The following KDM6A variants were observed in gnomAD, a reference collection of about 807,000 sequenced individuals.
KDM6A encodes the protein lysine-specific demethylase 6A.
In KDM6A, 11 loss-of-function variants were observed where a neutral mutation model predicts 117.6. That is an observed-to-expected ratio of 0.09 (90% CI 0.06 to 0.15). KDM6A has a LOEUF of 0.15. Ranked by LOEUF, KDM6A falls within the 10% of genes least tolerant of loss-of-function variation. The pLI, the probability that KDM6A is intolerant of heterozygous loss-of-function variation, is 1.00. For synonymous variants in KDM6A, 384 were observed against 396.1 expected, an observed-to-expected ratio of 0.97 and a Z score of 0.36; for missense variants, 799 against 1,077.3, an observed-to-expected ratio of 0.74 and a Z score of 3.62.
At chrX:44,915,170 A>G (rs1161370319) in intron 2 of KDM6A, among the ~76,000 whole-genome samples, 2 of 112,077 alleles carry the variant, frequency 1.8e-5, no homozygotes, top group African/African-American at 3.2e-5. Context: ...GTGAATATGT[A>G]GAAAAATGGC....
intron 6 of KDM6A, among the ~76,000 whole-genome samples, chrX:45,021,394 A>T (rs909575793): frequency 1.8e-5 from 2 of 111,644 alleles, no homozygotes; most frequent in African/African-American, 6.5e-5. Context: ...CAGAGGAATT[A>T]TGTTTTGAAA....
chrX:45,094,319 G>T (rs963352670), intron 27 of KDM6A, among the ~76,000 whole-genome samples: 1 of 111,610 alleles, frequency 9.0e-6, no homozygotes, highest in African/African-American at 3.3e-5. Context: ...CCAGCCCAAG[G>T]AGTCAGGTCT....
chrX:45,069,711 C>T lies in KDM6A; in HGVS notation c.2212C>T (p.Pro738Ser), dbSNP rs200638114. ...IQNQNGHPTL[P>S]SNSVTQGAAL... is the part of the protein sequence containing the mutation. The stretch of plus-strand genomic sequence containing the variant: ...GAATCAGAACGGACATCCCACCCTG[C>T]CTAGCAATTCAGTAACACAGGGGGC... The change falls in exon 18 of 30, where the codon CCT (proline) becomes TCT (serine). Residue 738 changes from proline (P) to serine (S), a missense_variant. Physicochemically the swap from Pro to Ser is moderately conservative, Grantham distance 74. Coordinates refer to ENST00000611820, the MANE Select transcript of KDM6A (RefSeq NM_001291415.2). 3.1e-5 allele frequency: 37 copies of T among 1,207,763 alleles called. No individual in the cohort carries two copies. The African/African-American group carries it at 6.3e-4, about 21-fold the overall frequency.
chrX:45,036,521 T>A (rs1340254334), intron 7 of KDM6A, among the ~76,000 whole-genome samples: 2 of 112,063 alleles, frequency 1.8e-5, no homozygotes, highest in Non-Finnish European at 3.8e-5. Context: ...AACGGTAGAA[T>A]AATAACAAAT....
intron 2 of KDM6A, among the ~76,000 whole-genome samples, chrX:44,911,151 G>A (rs2035099320): frequency 9.2e-6 from 1 of 108,116 alleles, no homozygotes; most frequent in South Asian, 4.0e-4. Flanking sequence ...TCCCGGACGG[G>A]GCGGCTGGCC....
At chrX:45,028,376 A>G (rs2042465187) in intron 6 of KDM6A, among the ~76,000 whole-genome samples, 1 of 112,412 alleles carries the variant, frequency 8.9e-6, no homozygotes. Flanking sequence ...TACACTGTGT[A>G]TTTCTTCCTT....
At chrX:44,998,363 T>G (rs1441156888) in intron 4 of KDM6A, among the ~76,000 whole-genome samples, 1 of 111,834 alleles carries the variant, frequency 8.9e-6, no homozygotes. Flanking sequence ...ACTGTTTGGC[T>G]TGGTCAACTG....
At chrX:45,030,465 A>G (rs1174570745) in intron 6 of KDM6A, among the ~76,000 whole-genome samples, 1 of 108,341 alleles carries the variant, frequency 9.2e-6, no homozygotes, top group Admixed American at 9.9e-5. Context: ...TTGTATTACA[A>G]AGAGTATCAG....
intron 2 of KDM6A, among the ~76,000 whole-genome samples, chrX:44,917,265 GATC>G (rs1175381724): frequency 9.0e-6 from 1 of 110,815 alleles, no homozygotes; most frequent in Admixed American, 9.6e-5. Flanking sequence ...GACCTCAAGT[GATC>G]TGCCTGCCTT....
intron 4 of KDM6A, among the ~76,000 whole-genome samples, chrX:44,985,423 A>G (rs1180735720): frequency 1.8e-5 from 2 of 111,205 alleles, no homozygotes; most frequent in African/African-American, 3.3e-5. Context: ...CCTGATTGCC[A>G]TGGCCAGAAC....
intron 2 of KDM6A, among the ~76,000 whole-genome samples, chrX:44,885,289 G>A: frequency 9.2e-6 from 1 of 108,824 alleles, no homozygotes; most frequent in Non-Finnish European, 1.9e-5. Flanking sequence ...GGCCTCCAAA[G>A]TGCTGGGATT....
chrX:44,899,224 C>CGTGTGTGT (rs572085670), intron 2 of KDM6A, among the ~76,000 whole-genome samples: 34 of 49,285 alleles, frequency 6.9e-4, no homozygotes, highest in Admixed American at 1.7e-3. Flanking sequence ...TGTGTGTATG[C>CGTGTGTGT]GTGTGTGTGT....
chrX:44,874,815 A>T (rs2031315827), intron 2 of KDM6A, among the ~76,000 whole-genome samples: 1 of 110,866 alleles, frequency 9.0e-6, no homozygotes, highest in Non-Finnish European at 1.9e-5. Flanking sequence ...AGAGGTAAAC[A>T]TGGAAATAAA....
chrX:44,919,552 T>C (rs748969420), intron 2 of KDM6A, among the ~76,000 whole-genome samples: 2 of 111,604 alleles, frequency 1.8e-5, no homozygotes, highest in Non-Finnish European at 3.8e-5. Flanking sequence ...AGGAGATTTG[T>C]CTTTTTTCCA....
chrX:44,937,561 C>T (rs1370583034), intron 2 of KDM6A, among the ~76,000 whole-genome samples: 4 of 111,541 alleles, frequency 3.6e-5, no homozygotes, highest in African/African-American at 9.8e-5. Flanking sequence ...ATGAACTGTG[C>T]GCATGTGCAA....
intron 14 of KDM6A, 95 bp from the exon 15 acceptor site, chrX:45,061,229 C>T (rs2147972751): frequency 2.2e-6 from 1 of 463,912 alleles, no homozygotes; most frequent in Non-Finnish European, 3.8e-6. Flanking sequence ...GTAAATATTC[C>T]AATTCATAGT....
intron 2 of KDM6A, among the ~76,000 whole-genome samples, chrX:44,875,952 A>C (rs749894704): frequency 1.5e-4 from 17 of 112,036 alleles, no homozygotes; most frequent in Non-Finnish European, 1.5e-4. Context: ...AACGAGTTTA[A>C]ATTTTAAAAA....
chrX:44,987,304 T>A (rs1602460308), intron 4 of KDM6A, among the ~76,000 whole-genome samples: 2 of 111,602 alleles, frequency 1.8e-5, no homozygotes, highest in East Asian at 5.6e-4. Flanking sequence ...TGTGTGTCTC[T>A]GCACATGAGA....
At chrX:45,080,554 A>G (rs1221839387) in intron 21 of KDM6A, among the ~76,000 whole-genome samples, 1 of 111,852 alleles carries the variant, frequency 8.9e-6, no homozygotes, top group African/African-American at 3.3e-5. Context: ...TTAATTTGTG[A>G]TTCATTAGAT....
Sources: allele counts gnomAD v4.1 joint callset (sites outside exome capture counted in the v4.1 genomes callset), GRCh38; gene constraint gnomAD v4.1.1; transcripts MANE v1.5; gene names NCBI Gene and HGNC (gene_info 2026-07-23, HGNC 2026-07-21).